Variants in PRKN observed in about 807,000 individuals in gnomAD.
The protein encoded by PRKN is E3 ubiquitin-protein ligase parkin.
In PRKN, 56 loss-of-function variants were observed where a neutral mutation model predicts 59.5. The ratio of observed to expected loss-of-function variants is 0.94; its 90% confidence interval spans 0.76 to 1.18. The LOEUF is 1.18. PRKN is among the 50% of genes most tolerant of loss of function. PRKN has a pLI of 0.00. For missense variants in PRKN, 657 were observed against 596.4 expected, an observed-to-expected ratio of 1.10 and a Z score of -1.06; for synonymous variants, 250 against 222.1, an observed-to-expected ratio of 1.13 and a Z score of -1.12.
At chr6:161,793,177 T>C (rs1476355235) in intron 6 of PRKN, among the ~76,000 whole-genome samples, 1 of 152,174 alleles carries the variant, frequency 6.6e-6, no homozygotes, top group African/African-American at 2.4e-5. Flanking sequence ...AACATAAGCT[T>C]CAACAGTTGA....
At chr6:161,832,312 G>A (rs548655350) in intron 6 of PRKN, among the ~76,000 whole-genome samples, 2 of 152,088 alleles carry the variant, frequency 1.3e-5, no homozygotes, top group Admixed American at 6.5e-5. Flanking sequence ...GAATAATAGC[G>A]TTGTTTTTCA....
chr6:161,550,935 C>A lies in PRKN; in HGVS notation c.934-1932G>T, dbSNP rs1233832800. ...AAGTCATTAGCCTGAGCCTCTAATC[C>A]ATTTTCTCATTCTTCTGTCCCCAGG... On this transcript the variant is annotated intron_variant, in intron 8 of 11. Transcript: ENST00000366898. The surrounding 1 kb of genome is among the most constrained non-coding windows in gnomAD (Gnocchi z 4.0). Among the ~76,000 whole-genome samples the A allele has an allele frequency of 6.6e-6, 1 of 152,088 alleles. No homozygotes were observed. The highest frequency in any genetic ancestry group is 1.5e-5 in the Non-Finnish European group (1 of 68,020).
intron 7 of PRKN, among the ~76,000 whole-genome samples, chr6:161,751,430 T>G (rs73015248): frequency 1.4e-4 from 21 of 152,354 alleles, no homozygotes; most frequent in African/African-American, 4.8e-4. Context: ...TAGCTTGGTT[T>G]GTTATCTTGC....
intron 2 of PRKN, among the ~76,000 whole-genome samples, chr6:162,353,072 A>T (rs768152158): frequency 1.4e-4 from 21 of 152,136 alleles, no homozygotes; most frequent in Non-Finnish European, 2.8e-4. Context: ...TCACACACCA[A>T]TGTCCACTGC....
At position 162,183,361 on chromosome 6, in the gene PRKN, A is replaced by T. The variant is rs149314982; in HGVS notation, c.534+17770T>A. 2.1e-4 allele frequency among the ~76,000 whole-genome samples: 32 copies of T among 152,334 alleles called. No individual in the cohort carries two copies. The East Asian group carries it at 5.6e-3, about 27-fold the overall frequency. ...GCTGCTACTGACAGGGAACTCACAC[A>T]GGCCACATGGAGCTGTTTCCCTGCC... is the stretch of plus-strand genomic sequence containing the variant. On this transcript the variant is annotated intron_variant, in intron 4 of 11. Transcript: ENST00000366898.
chr6:161,994,643 A>C (rs1430101086), intron 5 of PRKN, among the ~76,000 whole-genome samples: 1 of 152,156 alleles, frequency 6.6e-6, no homozygotes. Context: ...CAACATGCAA[A>C]AATCAATAGT....
chr6:162,219,333 C>A (rs1307298303), intron 3 of PRKN, among the ~76,000 whole-genome samples: 3 of 152,190 alleles, frequency 2.0e-5, no homozygotes, highest in Non-Finnish European at 2.9e-5. Flanking sequence ...AGGTGACTCC[C>A]TGTCTAGAAA....
intron 5 of PRKN, among the ~76,000 whole-genome samples, chr6:161,981,858 C>T (rs889692675): frequency 3.3e-5 from 5 of 152,172 alleles, no homozygotes; most frequent in East Asian, 3.8e-4. Flanking sequence ...GAGTCTATCA[C>T]CATGTTCAAT....
Position 162,465,840 on chromosome 6 carries a change from T to C in PRKN, c.8-22367A>G, listed in dbSNP as rs569774952. 2.0e-5 allele frequency among the ~76,000 whole-genome samples: 3 copies of C among 152,326 alleles called. No homozygotes were observed. In the South Asian group the frequency reaches 6.2e-4, roughly 32 times the overall value. Reference sequence around the variant, plus strand: ...TGTTCTAAAATTAAATTCAGGAGGGTATATTGTGATATTTAAGAATTTAAC... The same window carrying C: ...TGTTCTAAAATTAAATTCAGGAGGGCATATTGTGATATTTAAGAATTTAAC... On this transcript the variant is annotated intron_variant, in intron 1 of 11. Transcript: ENST00000366898.
chr6:162,302,963 T>TACACAC (rs71004084), intron 2 of PRKN, among the ~76,000 whole-genome samples: 48,456 of 139,230 alleles, frequency 0.35, 9,537 homozygotes, highest in East Asian at 0.58. Flanking sequence ...GCCTTAAACA[T>TACACAC]ACACACACAC....
At chr6:162,692,479 G>T (rs1039549324) in intron 1 of PRKN, among the ~76,000 whole-genome samples, 9 of 152,056 alleles carry the variant, frequency 5.9e-5, no homozygotes, top group African/African-American at 2.2e-4. Context: ...CAGGGCCCTA[G>T]GTCACACTGT....
intron 2 of PRKN, among the ~76,000 whole-genome samples, chr6:162,304,954 TG>T (rs145936080): frequency 0.032 from 4,897 of 151,500 alleles, 112 homozygotes; most frequent in Non-Finnish European, 0.048. Flanking sequence ...CTAAACTATC[TG>T]AGGGCCACTC....
chr6:162,410,134 T>C (rs1362361960), intron 2 of PRKN, among the ~76,000 whole-genome samples: 1 of 152,180 alleles, frequency 6.6e-6, no homozygotes, highest in Non-Finnish European at 1.5e-5. Flanking sequence ...TGTGAATGCC[T>C]GGTTCCTGTG....
At chr6:162,389,007 GAAAAAAAAA>G (rs71278564) in intron 2 of PRKN, among the ~76,000 whole-genome samples, 1 of 104,166 alleles carries the variant, frequency 9.6e-6, no homozygotes, top group African/African-American at 3.6e-5. Context: ...AGTTCCTCCA[GAAAAAAAAA>G]AAAAAAAACA....
intron 9 of PRKN, among the ~76,000 whole-genome samples, chr6:161,496,369 A>G (rs1406204444): frequency 1.3e-5 from 2 of 152,254 alleles, no homozygotes; most frequent in African/African-American, 4.8e-5. Flanking sequence ...AAGGTGTATT[A>G]GTCTGGTCTC....
intron 6 of PRKN, among the ~76,000 whole-genome samples, chr6:161,890,377 G>A (rs1795297830): frequency 6.6e-6 from 1 of 152,122 alleles, no homozygotes; most frequent in South Asian, 2.1e-4. Flanking sequence ...CCTGGTCTTG[G>A]CATCGCATCA....
intron 7 of PRKN, among the ~76,000 whole-genome samples, chr6:161,621,854 C>T (rs558219242): frequency 2.0e-5 from 3 of 152,306 alleles, no homozygotes; most frequent in African/African-American, 7.2e-5. Flanking sequence ...AGGCCACCCA[C>T]ACTCACTCCT....
intron 6 of PRKN, among the ~76,000 whole-genome samples, chr6:161,958,894 TGA>T (rs1210655591): frequency 6.9e-6 from 1 of 144,734 alleles, no homozygotes; most frequent in Non-Finnish European, 1.5e-5. Flanking sequence ...AAAAAAAAAA[TGA>T]GAGAGAAAAA....
intron 3 of PRKN, among the ~76,000 whole-genome samples, chr6:162,234,261 G>A (rs1308296055): frequency 1.3e-5 from 2 of 152,292 alleles, no homozygotes; most frequent in South Asian, 2.1e-4. Flanking sequence ...CTGAGTTGGG[G>A]CAGAGGTGGG....
Sources: gnomAD v4.1 joint callset for allele counts (sites outside exome capture counted in the v4.1 genomes callset) on GRCh38, gnomAD v4.1.1 for gene constraint, Gnocchi (gnomAD v3.1) non-coding constraint, MANE v1.5 for transcripts, NCBI Gene and HGNC (gene_info 2026-07-23, HGNC 2026-07-21) for gene names.